Variants in GDA observed in about 807,000 individuals in gnomAD.
GDA encodes the protein cytoplasmic PSD-95 interactor.
Under a neutral mutation model 59.6 loss-of-function variants are expected in GDA, and 18 were observed. The ratio of observed to expected loss-of-function variants is 0.30; its 90% CI spans 0.21 to 0.45. The LOEUF is 0.45. GDA is among the 20% of genes least tolerant of loss of function. The pLI, the probability that GDA is intolerant of heterozygous loss-of-function variation, is 1.00. For synonymous variants in GDA, 201 were observed against 201.1 expected (o/e 1.00, Z 0.00); for missense variants, 427 against 552.3 (o/e 0.77, Z 2.27).
chr9:72,146,546 A>T (rs1459662737), upstream of GDA, among the ~76,000 whole-genome samples: 1 of 151,970 alleles, frequency 6.6e-6, no homozygotes. Context: ...GCTGGAGTGC[A>T]GTGGTTCAAT....
intron 1 of GDA, among the ~76,000 whole-genome samples, chr9:72,187,254 A>G (rs1039257410): frequency 6.6e-6 from 1 of 152,202 alleles, no homozygotes; most frequent in Non-Finnish European, 1.5e-5. Flanking sequence ...TTGTAATACT[A>G]TTAAGAGGTG....
chr9:72,257,923 C>G (rs983111227), downstream of GDA: 1 of 146,488 alleles, frequency 6.8e-6, no homozygotes, highest in Non-Finnish European at 1.5e-5. Context: ...CAGAGCCAGA[C>G]CTAGTCTCGA....
At chr9:72,229,826 T>C (rs1485368801) in intron 9 of GDA, among the ~76,000 whole-genome samples, 1 of 152,160 alleles carries the variant, frequency 6.6e-6, no homozygotes, top group East Asian at 1.9e-4. Flanking sequence ...CTGGAGTGCT[T>C]TAGGGACCCC....
upstream of GDA, among the ~76,000 whole-genome samples, chr9:72,144,659 T>C (rs1010033883): frequency 1.3e-5 from 2 of 152,196 alleles, no homozygotes; most frequent in Admixed American, 6.5e-5. Flanking sequence ...CATCTCTCTA[T>C]TGTCAGTAAA....
At chr9:72,212,348 G>A (rs975345814) in intron 4 of GDA, among the ~76,000 whole-genome samples, 4 of 151,976 alleles carry the variant, frequency 2.6e-5, no homozygotes, top group African/African-American at 9.7e-5. Context: ...CAAGCGTAGT[G>A]GTGGGCGCCT....
chr9:72,222,344 G>T (rs1471531431), intron 6 of GDA, among the ~76,000 whole-genome samples: 1 of 151,940 alleles, frequency 6.6e-6, no homozygotes, highest in Non-Finnish European at 1.5e-5. Context: ...GTGATTGTTG[G>T]CTGCATCAAT....
At chr9:72,163,556 G>A (rs1213522325) in intron 1 of GDA, among the ~76,000 whole-genome samples, 5 of 151,306 alleles carry the variant, frequency 3.3e-5, no homozygotes, top group South Asian at 4.2e-4. Context: ...GCAGTGGCAC[G>A]ATCTCGGCTC....
intron 1 of GDA, among the ~76,000 whole-genome samples, chr9:72,192,585 T>C (rs1429932240): frequency 1.3e-5 from 2 of 150,482 alleles, no homozygotes; most frequent in Non-Finnish European, 3.0e-5. Context: ...TCAATTCTAC[T>C]ATTAAAACAC....
chr9:72,153,731 C>T (rs902465956), intron 1 of GDA, among the ~76,000 whole-genome samples: 3 of 148,846 alleles, frequency 2.0e-5, no homozygotes, highest in African/African-American at 7.4e-5. Context: ...CCAAACACTG[C>T]ATGTTCTCAC....
intron 1 of GDA, among the ~76,000 whole-genome samples, chr9:72,135,132 C>G (rs1024775268): frequency 1.3e-5 from 2 of 151,820 alleles, no homozygotes; most frequent in Non-Finnish European, 2.9e-5. Flanking sequence ...TTGGCGAGAT[C>G]AATTCATTTT....
In GDA at chr9:72,249,745, TA is replaced by T; in HGVS notation, c.*1405del. 1.2e-6 allele frequency: 1 copy of T among 832,090 alleles called. No homozygotes were observed. The highest frequency in any genetic ancestry group is 1.4e-6 in the Non-Finnish European group (1 of 690,380). 51.5% of individuals were successfully genotyped at this position (832,090 alleles called of 1,614,324 possible). A position where few individuals can be genotyped will look rare whatever the true frequency, so the allele number is the denominator to read the frequency against. Reference sequence around the variant, plus strand: ...AGGAATAGACTTTCTTAATATATTATAACACTCATTCCTAGAGCTTAGGGGT... The same window carrying T: ...AGGAATAGACTTTCTTAATATATTATACACTCATTCCTAGAGCTTAGGGGT... On this transcript the variant is annotated 3_prime_UTR_variant, in exon 14 of 14. Coordinates refer to ENST00000358399, the MANE Select transcript of GDA (RefSeq NM_004293.5).
At chr9:72,171,005 C>T (rs1309498566) in intron 1 of GDA, among the ~76,000 whole-genome samples, 1 of 152,054 alleles carries the variant, frequency 6.6e-6, no homozygotes, top group Non-Finnish European at 1.5e-5. Context: ...TTTTTAGTGA[C>T]TGGGTTTTGC....
intron 9 of GDA, among the ~76,000 whole-genome samples, chr9:72,229,903 C>G (rs773251432): frequency 6.6e-6 from 1 of 152,174 alleles, no homozygotes; most frequent in Non-Finnish European, 1.5e-5. Context: ...AGCTTAGTGA[C>G]TATAATTAGG....
At chr9:72,194,107 C>T (rs10781082) in intron 1 of GDA, 1 of 152,048 alleles carries the variant, frequency 6.6e-6, no homozygotes, top group Admixed American at 6.6e-5. Flanking sequence ...CTGGGGACTC[C>T]AGGAGCCTGC....
chr9:72,173,722 G>A (rs1464580677), intron 1 of GDA, among the ~76,000 whole-genome samples: 1 of 152,130 alleles, frequency 6.6e-6, no homozygotes, highest in Non-Finnish European at 1.5e-5. Flanking sequence ...CCATAATTTA[G>A]CTATGTCTGC....
intron 11 of GDA, 51 bp downstream of exon 11, chr9:72,241,349 G>T (rs770572397): frequency 7.2e-7 from 1 of 1,391,894 alleles, no homozygotes; most frequent in Non-Finnish European, 9.9e-7. Flanking sequence ...ATGCTGATCG[G>T]TGTCTTTGGA....
chr9:72,161,484 G>A (rs757503074), intron 1 of GDA, among the ~76,000 whole-genome samples: 1 of 145,064 alleles, frequency 6.9e-6, no homozygotes. Context: ...ACTGGGAGCT[G>A]TAATTAGTTT....
chr9:72,118,088 T>C (rs1326072198), intron 1 of GDA, among the ~76,000 whole-genome samples: 3 of 151,574 alleles, frequency 2.0e-5, no homozygotes, highest in African/African-American at 7.3e-5. Flanking sequence ...CTGGCTAACA[T>C]GGTGAAACCC....
intron 1 of GDA, among the ~76,000 whole-genome samples, chr9:72,152,978 G>A (rs977856063): frequency 5.3e-5 from 8 of 152,196 alleles, no homozygotes; most frequent in African/African-American, 1.9e-4. Flanking sequence ...TAAGGTGTAA[G>A]GAAGGGATCC....
Sources: gnomAD v4.1 joint callset for allele counts (sites outside exome capture counted in the v4.1 genomes callset) on GRCh38, gnomAD v4.1.1 for gene constraint, MANE v1.5 for transcripts, NCBI Gene and HGNC (gene_info 2026-07-23, HGNC 2026-07-21) for gene names.